Variants in DLG2 observed in about 807,000 individuals in gnomAD.
DLG2 encodes disks large homolog 2.
A neutral mutation model predicts 132.5 loss-of-function variants in DLG2; 45 were observed. That is an observed-to-expected ratio of 0.34 (90% CI 0.27 to 0.44). The LOEUF is 0.44. Among genes scored for constraint, DLG2 ranks in the 20% least tolerant of loss-of-function variants. The pLI is 1.00. For synonymous variants in DLG2, 424 were observed against 419.6 expected (o/e 1.01, Z -0.13); for missense variants, 1,045 against 1,196.9 (o/e 0.87, Z 1.87).
intron 6 of DLG2, among the ~76,000 whole-genome samples, chr11:84,789,673 AT>A (rs2073500224): frequency 6.6e-6 from 1 of 151,650 alleles, no homozygotes; most frequent in Non-Finnish European, 1.5e-5. Context: ...TAACTTTTCT[AT>A]TTTTTCTATT....
intron 3 of DLG2, among the ~76,000 whole-genome samples, chr11:85,309,677 A>G (rs1565304010): frequency 6.6e-6 from 1 of 151,982 alleles, no homozygotes. Context: ...AGACACACAA[A>G]TTTACCTGAA....
chr11:85,045,826 G>T (rs2062286877), intron 6 of DLG2, among the ~76,000 whole-genome samples: 1 of 152,032 alleles, frequency 6.6e-6, no homozygotes, highest in African/African-American at 2.4e-5. Flanking sequence ...TAGAAGGCAA[G>T]GCATTTTGGA....
chr11:84,908,589 T>C (rs1309539737), intron 6 of DLG2, among the ~76,000 whole-genome samples: 3 of 151,986 alleles, frequency 2.0e-5, no homozygotes, highest in Non-Finnish European at 4.4e-5. Flanking sequence ...AAGTTTCCCC[T>C]GTGAGTAGTA....
chr11:85,417,530 T>A (rs2089967328), intron 3 of DLG2, among the ~76,000 whole-genome samples: 1 of 152,222 alleles, frequency 6.6e-6, no homozygotes, highest in South Asian at 2.1e-4. Context: ...CACCAGCTCC[T>A]CTTTATACCT....
chr11:83,551,769 T>C (rs1008900717), intron 19 of DLG2, among the ~76,000 whole-genome samples: 4 of 152,162 alleles, frequency 2.6e-5, no homozygotes, highest in Admixed American at 6.6e-5. Context: ...GGCAAAAGCA[T>C]TGAGTTCAGA....
chr11:85,316,825 G>A (rs2080713136), intron 3 of DLG2, among the ~76,000 whole-genome samples: 1 of 151,848 alleles, frequency 6.6e-6, no homozygotes. Flanking sequence ...CAGGGACTAG[G>A]CAAGGCACTA....
chr11:84,677,429 GA>G (rs1277941048), intron 6 of DLG2, among the ~76,000 whole-genome samples: 1 of 151,444 alleles, frequency 6.6e-6, no homozygotes, highest in African/African-American at 2.4e-5. Flanking sequence ...GAAATAGTAG[GA>G]AAAAAACCAT....
intron 3 of DLG2, among the ~76,000 whole-genome samples, chr11:85,581,387 C>T (rs1010860385): frequency 2.3e-4 from 35 of 151,676 alleles, no homozygotes; most frequent in African/African-American, 8.5e-4. Context: ...CCGAGGCAGA[C>T]AGATTGCCTG....
intron 19 of DLG2, among the ~76,000 whole-genome samples, chr11:83,558,341 T>A (rs974124677): frequency 6.6e-6 from 1 of 152,124 alleles, no homozygotes; most frequent in Non-Finnish European, 1.5e-5. Flanking sequence ...AACTTTTATC[T>A]TATTATCTTC....
At chr11:85,212,312 C>G (rs2082304465) in intron 4 of DLG2, among the ~76,000 whole-genome samples, 1 of 152,052 alleles carries the variant, frequency 6.6e-6, no homozygotes, top group African/African-American at 2.4e-5. Context: ...ACTCCCTCTC[C>G]TCTCCCCTTT....
chr11:85,606,089 A>G (rs1164667378), intron 2 of DLG2, among the ~76,000 whole-genome samples: 1 of 152,244 alleles, frequency 6.6e-6, no homozygotes, highest in Admixed American at 6.5e-5. Flanking sequence ...CCAAGGGTAG[A>G]ATGTCAAGTC....
rs370699226 is a variant in DLG2 at position 83,924,551 on chromosome 11, G to C, written c.1496+5777C>G. Among the ~76,000 whole-genome samples the C allele has an allele frequency of 8.5e-5, 13 of 152,232 alleles. No individual in the cohort carries two copies. The East Asian group carries it at 1.5e-3, about 18-fold the overall frequency. Reference sequence around the variant, plus strand: ...TCTCTATAAAAATACAGGCAGGCTTGCACAGCCCTTCCCCCATACTGCCAA... The same window carrying C: ...TCTCTATAAAAATACAGGCAGGCTTCCACAGCCCTTCCCCCATACTGCCAA... On this transcript the variant is annotated intron_variant, in intron 15 of 27. Coordinates refer to ENST00000376104, the MANE Select transcript of DLG2 (RefSeq NM_001142699.3).
At chr11:85,266,168 C>T (rs181629571) in intron 4 of DLG2, among the ~76,000 whole-genome samples, 63 of 152,322 alleles carry the variant, frequency 4.1e-4, no homozygotes, top group African/African-American at 1.5e-3. Context: ...CATGGGCCCC[C>T]CAACCTGGAC....
chr11:84,705,841 G>A (rs548685247), intron 6 of DLG2, among the ~76,000 whole-genome samples: 1 of 151,824 alleles, frequency 6.6e-6, no homozygotes, highest in East Asian at 2.0e-4. Flanking sequence ...TTAACACTAG[G>A]TCTCAATTGC....
At chr11:83,987,997 G>A (rs545443940) in intron 11 of DLG2, among the ~76,000 whole-genome samples, 3 of 151,954 alleles carry the variant, frequency 2.0e-5, no homozygotes, top group South Asian at 4.2e-4. Flanking sequence ...TTTTTTTCTT[G>A]TAAATTTGTT....
intron 6 of DLG2, among the ~76,000 whole-genome samples, chr11:84,725,171 G>C (rs572811469): frequency 1.2e-4 from 19 of 152,138 alleles, no homozygotes; most frequent in African/African-American, 2.4e-5. Context: ...AGGATCTAAG[G>C]TCTTAACAAA....
intron 15 of DLG2, among the ~76,000 whole-genome samples, chr11:83,896,197 G>T (rs1428846565): frequency 6.6e-6 from 1 of 152,042 alleles, no homozygotes; most frequent in African/African-American, 2.4e-5. Flanking sequence ...ACTTAATTTT[G>T]GAATAAAATA....
At chr11:85,037,967 T>G (rs909656049) in intron 6 of DLG2, among the ~76,000 whole-genome samples, 1 of 152,082 alleles carries the variant, frequency 6.6e-6, no homozygotes, top group African/African-American at 2.4e-5. Flanking sequence ...ACAGCAAACA[T>G]ACATGAAACA....
At chr11:85,042,907 T>C (rs2061997079) in intron 6 of DLG2, among the ~76,000 whole-genome samples, 1 of 151,944 alleles carries the variant, frequency 6.6e-6, no homozygotes, top group African/African-American at 2.4e-5. Flanking sequence ...AGAGTCTCAC[T>C]GCAAAATTAT....
Sources: gnomAD v4.1 joint callset for allele counts (sites outside exome capture counted in the v4.1 genomes callset) on GRCh38, gnomAD v4.1.1 for gene constraint, MANE v1.5 for transcripts, NCBI Gene and HGNC (gene_info 2026-07-23, HGNC 2026-07-21) for gene names.